Variants in POFUT4 observed in about 807,000 individuals in gnomAD.
The protein encoded by POFUT4 is GDP-fucose protein O-fucosyltransferase 4.
the POFUT4 span, chr10:73,773,035 C>T: frequency 6.4e-7 from 1 of 1,572,660 alleles, no homozygotes; most frequent in Non-Finnish European, 8.6e-7. Context: ...TCATGCGCCA[C>T]ATCCCGGTGA....
the POFUT4 span, chr10:73,772,673 G>A: frequency 1.9e-6 from 3 of 1,558,444 alleles, no homozygotes; most frequent in Admixed American, 3.9e-5. Flanking sequence ...AGCGCTGAGG[G>A]ACTCGCGGAC....
chr10:73,773,179 A>T, the POFUT4 span: 1 of 1,599,864 alleles, frequency 6.3e-7, no homozygotes, highest in African/African-American at 1.3e-5. Context: ...GCCTTACTGT[A>T]CCCGGTCTAG....
At chr10:73,777,556 CTTT>C in the POFUT4 span, among the ~76,000 whole-genome samples, 12 of 142,752 alleles carry the variant, frequency 8.4e-5, no homozygotes, top group Non-Finnish European at 1.4e-4. Context: ...TTCCCTATGA[CTTT>C]TTTTTTTTTT....
the POFUT4 span, chr10:73,773,280 C>T: frequency 2.5e-6 from 4 of 1,614,180 alleles, no homozygotes; most frequent in Non-Finnish European, 3.4e-6. Context: ...GGATCCAGAG[C>T]TCTTGGCTTT....
chr10:73,775,809 C>A, the POFUT4 span: 2 of 1,016,138 alleles, frequency 2.0e-6, no homozygotes, highest in Non-Finnish European at 2.9e-6. Flanking sequence ...CAAGGAATTC[C>A]AGTTTTATCT....
the POFUT4 span, chr10:73,772,888 C>G: frequency 1.2e-6 from 2 of 1,612,018 alleles, no homozygotes; most frequent in Non-Finnish European, 1.7e-6. Flanking sequence ...AGTGGCTGCC[C>G]GGGACCGCCT....
chr10:73,775,729 T>A, the POFUT4 span: 1 of 1,603,502 alleles, frequency 6.2e-7, no homozygotes, highest in Non-Finnish European at 8.5e-7. Context: ...TAAGGAGATC[T>A]TATTCTACCA....
At chr10:73,772,958 G>A in the POFUT4 span, 1 of 1,605,726 alleles carries the variant, frequency 6.2e-7, no homozygotes, top group Non-Finnish European at 8.5e-7. Context: ...CCGCGGCTAC[G>A]CGCCGCTGCT....
the POFUT4 span, chr10:73,775,373 G>C: frequency 6.4e-7 from 1 of 1,554,012 alleles, no homozygotes; most frequent in Non-Finnish European, 8.8e-7. Context: ...ACTGCCTGTC[G>C]CTTGGGCTTA....
chr10:73,773,363 G>A, the POFUT4 span: 1 of 1,614,178 alleles, frequency 6.2e-7, no homozygotes, highest in Non-Finnish European at 8.5e-7. Flanking sequence ...AAAAACTGTG[G>A]CGTCCCATGC....
At chr10:73,772,586 C>G in the POFUT4 span, 2 of 1,585,124 alleles carry the variant, frequency 1.3e-6, no homozygotes, top group South Asian at 1.1e-5. Context: ...GAGCCCAGGG[C>G]TATTCCCCCA....
the POFUT4 span, chr10:73,773,747 C>T: frequency 1.2e-6 from 2 of 1,613,814 alleles, no homozygotes; most frequent in Non-Finnish European, 1.7e-6. Flanking sequence ...TTGCCCAGCC[C>T]TCACACATGG....
At chr10:73,776,969 G>T in the POFUT4 span, among the ~76,000 whole-genome samples, 1 of 152,134 alleles carries the variant, frequency 6.6e-6, no homozygotes, top group Admixed American at 6.5e-5. Flanking sequence ...GTCAGCCACC[G>T]CACCCGGCCT....
the POFUT4 span, chr10:73,775,755 A>G: frequency 6.7e-7 from 1 of 1,485,726 alleles, no homozygotes; most frequent in African/African-American, 1.4e-5. Flanking sequence ...CATAAGGAGC[A>G]TCCACTGCAC....
At chr10:73,772,347 C>A in the POFUT4 span, 1 of 1,470,572 alleles carries the variant, frequency 6.8e-7, no homozygotes, top group Non-Finnish European at 9.0e-7. Context: ...GCGGCCGGCC[C>A]CATTAGGGTG....
the POFUT4 span, chr10:73,772,612 G>C: frequency 6.4e-7 from 1 of 1,563,904 alleles, no homozygotes; most frequent in South Asian, 1.2e-5. Flanking sequence ...CGGGAGACTC[G>C]GAGCGCATCG....
chr10:73,773,712 G>A, the POFUT4 span: 1 of 1,614,256 alleles, frequency 6.2e-7, no homozygotes. Flanking sequence ...CTCTCCCGGG[G>A]ACAGCCCCGT....
the POFUT4 span, chr10:73,772,799 C>T: frequency 1.2e-6 from 2 of 1,611,638 alleles, no homozygotes; most frequent in Non-Finnish European, 8.5e-7. Flanking sequence ...CAACTTCTTG[C>T]TGAGCCACGG....
chr10:73,772,278 C>G, the POFUT4 span: 1 of 1,356,244 alleles, frequency 7.4e-7, no homozygotes, highest in East Asian at 3.0e-5. Context: ...CCGGTCACGA[C>G]TATCCGCTGG....
Sources: allele counts gnomAD v4.1 joint callset (sites outside exome capture counted in the v4.1 genomes callset), GRCh38; gene constraint gnomAD v4.1.1; transcripts MANE v1.5; gene names NCBI Gene and HGNC (gene_info 2026-07-23, HGNC 2026-07-21).